Variants in LIPI observed in about 807,000 individuals in gnomAD.
LIPI encodes the protein lipase member I.
LIPI carries 59 observed loss-of-function variants against 50.6 expected under a neutral mutation model. The ratio of observed to expected loss-of-function variants is 1.16; its 90% CI spans 0.94 to 1.45. The LOEUF (loss-of-function observed/expected upper bound fraction) is 1.45. LIPI is among the 40% of genes most tolerant of loss of function. LIPI has a pLI of 0.00. For missense variants in LIPI, 586 were observed against 536.3 expected, an observed-to-expected ratio of 1.09 and a Z score of -0.92; for synonymous variants, 203 against 178.2, an observed-to-expected ratio of 1.14 and a Z score of -1.11.
intron 4 of LIPI, among the ~76,000 whole-genome samples, chr21:14,169,634 A>G (rs1454061014): frequency 1.3e-5 from 2 of 152,224 alleles, no homozygotes; most frequent in Non-Finnish European, 2.9e-5. Flanking sequence ...AACGAAATGA[A>G]GGCAGAAATA....
intron 9 of LIPI, among the ~76,000 whole-genome samples, chr21:14,140,723 T>C (rs990326308): frequency 2.6e-5 from 4 of 152,166 alleles, no homozygotes; most frequent in Non-Finnish European, 4.4e-5. Flanking sequence ...CTTCTTATCA[T>C]CTATAAAATT....
intron 1 of LIPI, among the ~76,000 whole-genome samples, chr21:14,209,490 G>T (rs1260947373): frequency 6.6e-6 from 1 of 152,136 alleles, no homozygotes; most frequent in African/African-American, 2.4e-5. Flanking sequence ...AGGAAAATGA[G>T]AGAATGCATA....
chr21:14,150,799 C>T (rs1440610297), intron 8 of LIPI, among the ~76,000 whole-genome samples: 1 of 152,082 alleles, frequency 6.6e-6, no homozygotes, highest in Non-Finnish European at 1.5e-5. Flanking sequence ...AAAGATGGGT[C>T]TTGACGAAAG....
intron 7 of LIPI, among the ~76,000 whole-genome samples, chr21:14,161,585 T>C (rs1226688486): frequency 1.7e-4 from 20 of 118,404 alleles, no homozygotes; most frequent in African/African-American, 5.8e-4. Flanking sequence ...ATATAATATA[T>C]ATCTATATAA....
At chr21:14,207,041 G>A (rs535918911) in intron 1 of LIPI, 63 of 728,200 alleles carry the variant, frequency 8.7e-5, no homozygotes, top group Admixed American at 6.4e-4. Context: ...TTTATGCTAC[G>A]AAGACAGTGG....
intron 1 of LIPI, among the ~76,000 whole-genome samples, chr21:14,203,028 T>A (rs935463691): frequency 2.6e-5 from 4 of 152,100 alleles, no homozygotes; most frequent in Non-Finnish European, 4.4e-5. Context: ...GCGAAGGATA[T>A]GAACAGACAC....
intron 1 of LIPI, among the ~76,000 whole-genome samples, chr21:14,199,097 A>G (rs1332625555): frequency 6.6e-6 from 1 of 152,168 alleles, no homozygotes; most frequent in Non-Finnish European, 1.5e-5. Flanking sequence ...CAGCTAAGGC[A>G]GTGATAAGAG....
chr21:14,131,325 T>C (rs934517129), intron 9 of LIPI, among the ~76,000 whole-genome samples: 2 of 152,062 alleles, frequency 1.3e-5, no homozygotes, highest in African/African-American at 4.8e-5. Flanking sequence ...ACAGGCACAT[T>C]TACCCCACTC....
At chr21:14,203,428 C>A (rs2020129336) in intron 1 of LIPI, among the ~76,000 whole-genome samples, 1 of 152,092 alleles carries the variant, frequency 6.6e-6, no homozygotes, top group South Asian at 2.1e-4. Context: ...AGACTTGGAA[C>A]CAACCCAAAT....
chr21:14,162,455 G>A (rs1047189703), intron 7 of LIPI, among the ~76,000 whole-genome samples: 1 of 151,642 alleles, frequency 6.6e-6, no homozygotes, highest in Non-Finnish European at 1.5e-5. Context: ...AGCCACACAC[G>A]CAGGCAAGTG....
chr21:14,195,225 C>T (rs76138468), intron 1 of LIPI, among the ~76,000 whole-genome samples: 4,076 of 152,148 alleles, frequency 0.027, 70 homozygotes, highest in Admixed American at 0.032. Flanking sequence ...ATAGGGGTCT[C>T]TTATATCTGG....
At chr21:14,132,008 C>A (rs2123001593) in intron 9 of LIPI, among the ~76,000 whole-genome samples, 1 of 152,144 alleles carries the variant, frequency 6.6e-6, no homozygotes, top group Non-Finnish European at 1.5e-5. Flanking sequence ...TAAAAATAAT[C>A]CAGTCGGGCA....
intron 5 of LIPI, among the ~76,000 whole-genome samples, chr21:14,165,856 A>T (rs778548002): frequency 2.6e-5 from 4 of 152,142 alleles, no homozygotes; most frequent in African/African-American, 7.2e-5. Flanking sequence ...CCCTTTGGTC[A>T]CGTGTTATTT....
chr21:14,139,580 A>G (rs1456500359), intron 9 of LIPI, among the ~76,000 whole-genome samples: 1 of 152,198 alleles, frequency 6.6e-6, no homozygotes, highest in African/African-American at 2.4e-5. Flanking sequence ...CAAGAAACTT[A>G]TCTTCTACTT....
chr21:14,163,325 T>C, intron 7 of LIPI, 94 bp downstream of exon 7: 1 of 681,168 alleles, frequency 1.5e-6, no homozygotes, highest in South Asian at 1.7e-5. Flanking sequence ...CATGATGGAA[T>C]TTGAGTGGGT....
intron 9 of LIPI, among the ~76,000 whole-genome samples, chr21:14,124,403 A>C (rs1349846632): frequency 1.3e-5 from 2 of 151,994 alleles, no homozygotes; most frequent in Non-Finnish European, 2.9e-5. Flanking sequence ...TAGCAACCTC[A>C]CCCACCTCCC....
At position 14,181,832 on chromosome 21, in the gene LIPI, G is replaced by A; in HGVS notation, c.569C>T (p.Ser190Phe). The A allele has an allele frequency of 6.8e-6, 11 of 1,612,042 alleles. No individual in the cohort carries two copies. The highest frequency in any genetic ancestry group is 9.3e-6 in the Non-Finnish European group (11 of 1,178,590). ...TGLDPAGPRF[S>F]RKPPYSRLDY... The stretch of plus-strand genomic sequence containing the variant: ...TAATCTGCTATATGGTGGTTTTCTG[G>A]AGAACCTTGGCCCAGCAGGGTCAAG... The change falls in exon 4 of 10, where the codon TCC (serine) becomes TTC (phenylalanine). Residue 190 changes from serine to phenylalanine, a missense_variant. Coordinates refer to ENST00000681601, the MANE Select transcript of LIPI (RefSeq NM_001302998.2).
At chr21:14,121,141 T>C (rs77558352) in intron 9 of LIPI, among the ~76,000 whole-genome samples, 4,136 of 152,276 alleles carry the variant, frequency 0.027, 182 homozygotes, top group African/African-American at 0.091. Context: ...TTAAAAGATA[T>C]TATTCTTAGA....
chr21:14,169,200 C>A (rs1169355384), intron 4 of LIPI, among the ~76,000 whole-genome samples: 2 of 152,068 alleles, frequency 1.3e-5, no homozygotes, highest in Non-Finnish European at 2.9e-5. Flanking sequence ...CAGGAGCATC[C>A]AGATTCATAA....
Sources: allele counts gnomAD v4.1 joint callset (sites outside exome capture counted in the v4.1 genomes callset), GRCh38; gene constraint gnomAD v4.1.1; transcripts MANE v1.5; gene names NCBI Gene and HGNC (gene_info 2026-07-23, HGNC 2026-07-21).